The following SSR2 variants were observed in gnomAD, a reference collection of about 807,000 sequenced individuals.
SSR2 encodes signal sequence receptor subunit 2.
SSR2 carries 16 observed loss-of-function variants against 22.6 expected under a neutral mutation model. The observed-to-expected ratio is 0.71, with a 90% CI of 0.48 to 1.08. The LOEUF (loss-of-function observed/expected upper bound fraction) is 1.08. Ranked by LOEUF, SSR2 falls within the 50% of genes least tolerant of loss-of-function variation. The pLI, the probability that SSR2 is intolerant of heterozygous loss-of-function variation, is 0.00. For synonymous variants in SSR2, 83 were observed against 91.2 expected, an observed-to-expected ratio of 0.91 and a Z score of 0.51; for missense variants, 171 against 221.6, an observed-to-expected ratio of 0.77 and a Z score of 1.45.
intron 3 of SSR2, among the ~76,000 whole-genome samples, chr1:156,015,396 A>G (rs1401870273): frequency 6.7e-6 from 1 of 148,372 alleles, no homozygotes; most frequent in East Asian, 2.0e-4. Context: ...AGTCCCAGCT[A>G]CTCGGGAGGC....
At chr1:156,016,799 T>C (rs188632313) in intron 3 of SSR2, among the ~76,000 whole-genome samples, 1 of 152,230 alleles carries the variant, frequency 6.6e-6, no homozygotes, top group Admixed American at 6.5e-5. Context: ...ATTCTAATGA[T>C]ATGAGTTCTC....
chr1:156,017,738 G>GTTT (rs1683078413), intron 3 of SSR2, among the ~76,000 whole-genome samples: 5 of 40,690 alleles, frequency 1.2e-4, no homozygotes, highest in Non-Finnish European at 2.4e-4. Context: ...GTATGTTTCA[G>GTTT]GTTTTTTTTT....
chr1:156,009,601 G>C lies in SSR2; in HGVS notation c.491C>G (p.Pro164Arg). Reference sequence around the variant, plus strand: ...CTTGCTGGAGTACCACAATAGCAGGGGGATGCCGATGGAGGGAAGGGTCAT... The same window carrying C: ...CTTGCTGGAGTACCACAATAGCAGGCGGATGCCGATGGAGGGAAGGGTCAT... ...GVMTLPSIGI[P>R]LLLWYSSKRK... Residue 164 changes from proline to arginine, a missense_variant, in exon 6 of 6, where the codon CCC becomes CGC. Physicochemically the swap from Pro to Arg is moderately radical, Grantham distance 103. Coordinates refer to ENST00000295702, the MANE Select transcript of SSR2 (RefSeq NM_003145.4). The C allele has an allele frequency of 1.2e-6, 2 of 1,613,272 alleles. No homozygotes were observed. The highest frequency in any genetic ancestry group is 1.7e-6 in the Non-Finnish European group (2 of 1,179,688).
At chr1:156,017,747 T>TTTG (rs1489742807) in intron 3 of SSR2, among the ~76,000 whole-genome samples, 13 of 114,724 alleles carry the variant, frequency 1.1e-4, no homozygotes, top group African/African-American at 3.9e-4. Context: ...AGGTTTTTTT[T>TTTG]TTTTTTTTTT....
intron 1 of SSR2, chr1:156,020,393 C>A (rs1683130300): frequency 2.1e-6 from 1 of 474,840 alleles, no homozygotes; most frequent in South Asian, 2.2e-5. Context: ...ATCTACTGCC[C>A]TCTTCCTGTC....
At chr1:156,009,796 C>T (rs1032293120) in intron 5 of SSR2, 146 bp from the exon 6 acceptor site, 33 of 568,264 alleles carry the variant, frequency 5.8e-5, no homozygotes, top group African/African-American at 1.8e-4. Context: ...TTTTTTGAGA[C>T]GGAGTCTCGC....
At chr1:156,012,386 CA>C (rs1454724469) in intron 4 of SSR2, 7 of 361,438 alleles carry the variant, frequency 1.9e-5, no homozygotes, top group Non-Finnish European at 3.9e-5. Flanking sequence ...AAGCCCTACC[CA>C]AATGTACATT....
intron 4 of SSR2, chr1:156,012,739 C>T (rs988829156): frequency 1.8e-5 from 6 of 326,774 alleles, no homozygotes; most frequent in African/African-American, 1.3e-4. Context: ...GCCTACAGCC[C>T]TACTGGTATG....
chr1:156,018,134 C>G, intron 3 of SSR2, 136 bp downstream of exon 3: 4 of 647,492 alleles, frequency 6.2e-6, no homozygotes, highest in East Asian at 2.8e-5. Context: ...ACACCAACCT[C>G]TCTTGCTCCA....
chr1:156,015,524 A>AAAAAT (rs1199028093), intron 3 of SSR2, among the ~76,000 whole-genome samples: 3 of 120,274 alleles, frequency 2.5e-5, no homozygotes, highest in African/African-American at 9.6e-5. Flanking sequence ...AAAAAAAAAA[A>AAAAAT]AAAAAAAAAA....
At chr1:156,020,240 C>A in intron 1 of SSR2, 73 bp from the exon 2 acceptor site, 1 of 1,546,586 alleles carries the variant, frequency 6.5e-7, no homozygotes, top group South Asian at 1.2e-5. Context: ...TGACAGCGCT[C>A]CCGTAGAAAG....
intron 2 of SSR2, among the ~76,000 whole-genome samples, chr1:156,019,450 C>T (rs1181290994): frequency 6.6e-6 from 1 of 151,900 alleles, no homozygotes; most frequent in Non-Finnish European, 1.5e-5. Flanking sequence ...GTGGCGCAAT[C>T]TCCGGCTCAC....
intron 3 of SSR2, among the ~76,000 whole-genome samples, chr1:156,017,745 T>G (rs1209975150): frequency 9.2e-4 from 102 of 111,128 alleles, no homozygotes; most frequent in African/African-American, 3.2e-3. Flanking sequence ...TCAGGTTTTT[T>G]TTTTTTTTTT....
intron 4 of SSR2, chr1:156,014,106 G>A (rs977729827): frequency 2.6e-5 from 4 of 152,098 alleles, no homozygotes; most frequent in Non-Finnish European, 5.9e-5. Context: ...TTTTTAGATG[G>A]ATATCCATCA....
In SSR2 at chr1:156,018,255, G is replaced by A. The variant is rs1435691076; in HGVS notation, c.254+15C>T. The A allele has an allele frequency of 1.9e-6, 3 of 1,608,360 alleles. No homozygotes were observed. The highest frequency in any genetic ancestry group is 2.6e-6 in the Non-Finnish European group (3 of 1,175,006). ...CTGCCCCCCGACCCTTCATCACCAA[G>A]TGCCAAGAGGATACGGGGCAATCCG... On this transcript the variant is annotated intron_variant, in intron 3 of 5. Coordinates refer to ENST00000295702, the MANE Select transcript of SSR2 (RefSeq NM_003145.4).
At chr1:156,018,228 C>T (rs770224617) in intron 3 of SSR2, 42 bp downstream of exon 3, 2 of 1,508,926 alleles carry the variant, frequency 1.3e-6, no homozygotes, top group Non-Finnish European at 9.2e-7. Context: ...GCAAGGCTCT[C>T]CCTGCCCCCC....
At chr1:156,015,248 G>A (rs1436246074) in intron 3 of SSR2, among the ~76,000 whole-genome samples, 179 bp from the exon 4 acceptor site, 1 of 152,030 alleles carries the variant, frequency 6.6e-6, no homozygotes, top group East Asian at 1.9e-4. Context: ...GCTCACGCCT[G>A]TAATCCTAGC....
intron 4 of SSR2, chr1:156,014,681 A>C: frequency 4.0e-6 from 1 of 247,226 alleles, no homozygotes; most frequent in Non-Finnish European, 8.1e-6. Flanking sequence ...AGCTGGGATT[A>C]CAGGCGCCTG....
chr1:156,011,734 G>A, intron 5 of SSR2, 76 bp downstream of exon 5: 2 of 1,242,566 alleles, frequency 1.6e-6, no homozygotes, highest in Admixed American at 1.8e-5. Flanking sequence ...CAAATCTGTG[G>A]AAGCCAAGAG....
Sources: allele counts gnomAD v4.1 joint callset (sites outside exome capture counted in the v4.1 genomes callset), GRCh38; gene constraint gnomAD v4.1.1; transcripts MANE v1.5; gene names NCBI Gene and HGNC (gene_info 2026-07-23, HGNC 2026-07-21).